Variants in KATNAL1 observed in about 807,000 individuals in gnomAD.
KATNAL1 encodes the protein katanin p60 ATPase-containing subunit A-like 1.
Under a neutral mutation model 55.2 loss-of-function variants are expected in KATNAL1, and 32 were observed. That is an observed-to-expected ratio of 0.58 (90% CI 0.44 to 0.78). The LOEUF (loss-of-function observed/expected upper bound fraction) is 0.78, where lower values mean the gene tolerates loss of function less well. Among genes scored for constraint, KATNAL1 ranks in the 30% least tolerant of loss-of-function variants. The probability of loss-of-function intolerance (pLI) is 0.00; values close to 1 mark genes in which losing one functional copy is unlikely to be tolerated. For synonymous variants in KATNAL1, 193 were observed against 193.6 expected (o/e 1.00, Z 0.02); for missense variants, 466 against 600.9 (o/e 0.78, Z 2.35).
chr13:30,239,986 G>C (rs771155166), intron 6 of KATNAL1, among the ~76,000 whole-genome samples: 2 of 152,096 alleles, frequency 1.3e-5, no homozygotes, highest in Non-Finnish European at 2.9e-5. Flanking sequence ...ACCCAGCCAA[G>C]AAGTAGTTTT....
chr13:30,204,545 C>T lies in KATNAL1; in HGVS notation c.*3995G>A, dbSNP rs1438011618. ...TTCCTAAGGAAGGAATTCAAATGAACTCAAGCTGTCCAAAACCTAGAGTAC... is the reference window on the plus strand; with the variant it reads ...TTCCTAAGGAAGGAATTCAAATGAATTCAAGCTGTCCAAAACCTAGAGTAC... On this transcript the variant is annotated 3_prime_UTR_variant, in exon 11 of 11. Transcript: ENST00000380615. The T allele has an allele frequency of 6.6e-6, 1 of 152,170 alleles. No homozygotes were observed. Among genetic ancestry groups the T allele is most frequent in the Non-Finnish European group, 1.5e-5 (1 of 68,036 alleles). 9.4% of individuals were successfully genotyped at this position (152,170 alleles called of 1,614,324 possible).
intron 9 of KATNAL1, among the ~76,000 whole-genome samples, chr13:30,226,099 T>G (rs1039712628): frequency 2.6e-5 from 4 of 152,162 alleles, no homozygotes; most frequent in African/African-American, 9.7e-5. Flanking sequence ...CTTACTAGAA[T>G]GACTGAAATT....
In KATNAL1 at chr13:30,283,728, G is replaced by T. The variant is rs771586824; in HGVS notation, c.50C>A (p.Ala17Asp). 6.2e-7 allele frequency: 1 copy of T among 1,613,354 alleles called. No homozygotes were observed. Among genetic ancestry groups the T allele is most frequent in the Non-Finnish European group, 8.5e-7 (1 of 1,179,556 alleles). The stretch of plus-strand genomic sequence containing the variant: ...TGATGAGTCGTAATTTCCAAGAAGG[G>T]CATATTCTCTTCCTTTCTTTGCATT... ...CDNAKKGREY[A>D]LLGNYDSSMV... is the part of the protein sequence containing the mutation. Residue 17 changes from alanine to aspartate, a missense_variant, in exon 2 of 11, where the codon GCC becomes GAC. Around this residue, in one of 3 missense-constraint regions of KATNAL1, gnomAD observed 248 missense variants for 275.5 expected, o/e 0.90. Transcript: ENST00000380615.
At chr13:30,233,993 GA>G (rs1411619820) in intron 6 of KATNAL1, among the ~76,000 whole-genome samples, 1 of 152,188 alleles carries the variant, frequency 6.6e-6, no homozygotes, top group Non-Finnish European at 1.5e-5. Context: ...CAGCTTGATA[GA>G]TCAGTAGGGT....
chr13:30,241,670 C>T (rs1877293633), intron 4 of KATNAL1, among the ~76,000 whole-genome samples: 1 of 152,122 alleles, frequency 6.6e-6, no homozygotes, highest in Admixed American at 6.5e-5. Context: ...GAGCTTTAGC[C>T]CCAGTTACTG....
intron 1 of KATNAL1, among the ~76,000 whole-genome samples, chr13:30,298,408 A>G (rs1267798831): frequency 6.6e-6 from 1 of 152,180 alleles, no homozygotes; most frequent in East Asian, 1.9e-4. Flanking sequence ...TTCACTCATC[A>G]GTTCTCCATA....
Position 30,255,386 on chromosome 13 carries a change from A to AT in KATNAL1, c.492+60dup, listed in dbSNP as rs370167500. Reference sequence around the variant, plus strand: ...GTATCTTGAAAAGCCAACAAAAATCATAACATCCACCAAAAGTCCTGGGCT... The same window carrying AT: ...GTATCTTGAAAAGCCAACAAAAATCATTAACATCCACCAAAAGTCCTGGGCT... On this transcript the variant is annotated intron_variant, in intron 4 of 10. Coordinates refer to ENST00000380615, the MANE Select transcript of KATNAL1 (RefSeq NM_032116.5). 30 of 1,327,270 alleles carry AT rather than the reference A, an allele frequency of 2.3e-5. No homozygotes were observed. The African/African-American group carries it at 4.2e-4, about 19-fold the overall frequency. The allele number at this position is 1,327,270 out of a possible 1,614,324, so 82.2% of individuals were successfully genotyped here.
At chr13:30,275,806 A>T (rs9551883) in intron 3 of KATNAL1, among the ~76,000 whole-genome samples, 32,137 of 152,048 alleles carry the variant, frequency 0.21, 3,665 homozygotes, top group East Asian at 0.3. Flanking sequence ...ATATCAAATA[A>T]TCAACCTGTA....
chr13:30,280,318 G>A (rs887637080), intron 2 of KATNAL1, 95 bp from the exon 3 acceptor site: 18 of 893,276 alleles, frequency 2.0e-5, no homozygotes, highest in Non-Finnish European at 2.7e-5. Context: ...TTTTCTTAAT[G>A]TCAAAGGGTG....
intron 2 of KATNAL1, among the ~76,000 whole-genome samples, chr13:30,283,072 A>G (rs1322338940): frequency 1.3e-5 from 2 of 151,834 alleles, no homozygotes; most frequent in African/African-American, 4.8e-5. Flanking sequence ...ATTCAAGACC[A>G]GCCTGGCCAA....
intron 3 of KATNAL1, among the ~76,000 whole-genome samples, chr13:30,270,396 C>A (rs865946150): frequency 1.3e-5 from 2 of 151,640 alleles, no homozygotes; most frequent in African/African-American, 4.9e-5. Context: ...CCCCTCTGCC[C>A]GGCCACCACC....
rs1169016033 is a variant in KATNAL1, at chr13:30,262,618, G to A, written c.324-7003C>T. Among the ~76,000 whole-genome samples, 7 of 152,150 alleles carry A rather than the reference G, an allele frequency of 4.6e-5. No homozygotes were observed. The East Asian group carries it at 1.4e-3, about 29-fold the overall frequency. ...CTACGCAAATAAACTAGAAAATCTA[G>A]AAGAAATGGATAAATTCCTCGACAC... On this transcript the variant is annotated intron_variant, in intron 3 of 10. Transcript: ENST00000380615.
intron 10 of KATNAL1, among the ~76,000 whole-genome samples, chr13:30,210,011 T>C (rs1361873201): frequency 1.3e-5 from 2 of 152,134 alleles, no homozygotes; most frequent in Admixed American, 6.5e-5. Flanking sequence ...CTCGATCTCC[T>C]GACCTCGTGA....
chr13:30,240,340 C>A, intron 6 of KATNAL1, 120 bp downstream of exon 6: 3 of 658,088 alleles, frequency 4.6e-6, no homozygotes, highest in South Asian at 1.9e-5. Flanking sequence ...TTTGGGTGTA[C>A]ATAAACTTCT....
chr13:30,277,109 C>T (rs1291259884), intron 3 of KATNAL1, among the ~76,000 whole-genome samples: 1 of 152,122 alleles, frequency 6.6e-6, no homozygotes, highest in Non-Finnish European at 1.5e-5. Context: ...AAAGCCATAT[C>T]CTCTCTGCAG....
At chr13:30,214,702 G>A (rs938751019) in intron 9 of KATNAL1, among the ~76,000 whole-genome samples, 1 of 151,934 alleles carries the variant, frequency 6.6e-6, no homozygotes, top group Non-Finnish European at 1.5e-5. Context: ...AATGGTGCTG[G>A]GAAAACTTGC....
At position 30,240,952 on chromosome 13, in the gene KATNAL1, C is replaced by T. The variant is rs773281264; in HGVS notation, c.620+7G>A. 5 of 1,610,570 alleles carry T rather than the reference C, an allele frequency of 3.1e-6. No homozygotes were observed. The highest frequency in any genetic ancestry group is 2.7e-5 in the African/African-American group (2 of 74,742). ...TACTTTAATTCAATAATTTGAAAGACTCTAACCAATGAATGCTAGGATTCC... is the reference window on the plus strand; with the variant it reads ...TACTTTAATTCAATAATTTGAAAGATTCTAACCAATGAATGCTAGGATTCC... On this transcript the variant is annotated splice_region_variant and intron_variant, in intron 5 of 10. Coordinates refer to ENST00000380615, the MANE Select transcript of KATNAL1 (RefSeq NM_032116.5).
intron 6 of KATNAL1, 45 bp from the exon 7 acceptor site, chr13:30,231,517 ATT>A: frequency 7.6e-7 from 1 of 1,322,218 alleles, no homozygotes; most frequent in Non-Finnish European, 9.9e-7. Flanking sequence ...AGATTAAAAA[ATT>A]TTTTTATAAA....
chr13:30,305,709 G>C (rs1380288609), intron 1 of KATNAL1, among the ~76,000 whole-genome samples: 1 of 152,250 alleles, frequency 6.6e-6, no homozygotes, highest in African/African-American at 2.4e-5. Flanking sequence ...ACTGTTATGT[G>C]ATTATTTCCT....
Sources: allele counts gnomAD v4.1 joint callset (sites outside exome capture counted in the v4.1 genomes callset), GRCh38; gene constraint gnomAD v4.1.1; regional missense constraint gnomAD v4.1.1; transcripts MANE v1.5; gene names NCBI Gene and HGNC (gene_info 2026-07-23, HGNC 2026-07-21).